Variants in SPATA16 observed in about 807,000 individuals in gnomAD.
The protein encoded by SPATA16 is spermatogenesis associated 16, also known as spermatogenesis-associated protein 16.
In SPATA16, 36 loss-of-function variants were observed where a neutral mutation model predicts 63.3. The ratio of observed to expected loss-of-function variants is 0.57; its 90% confidence interval spans 0.44 to 0.75. SPATA16 has a LOEUF of 0.75. SPATA16 is among the 30% of genes least tolerant of loss of function. The probability of loss-of-function intolerance (pLI) is 0.00; values close to 1 mark genes in which losing one functional copy is unlikely to be tolerated. For missense variants in SPATA16, 646 were observed against 679.3 expected (o/e 0.95, Z 0.54); for synonymous variants, 203 against 216.7 (o/e 0.94, Z 0.56).
intron 4 of SPATA16, among the ~76,000 whole-genome samples, chr3:172,992,255 G>T (rs898444497): frequency 6.6e-6 from 1 of 152,104 alleles, no homozygotes; most frequent in African/African-American, 2.4e-5. Context: ...AATGTGCCCA[G>T]AGGCATTAAG....
chr3:172,942,198 C>T (rs754034657), intron 6 of SPATA16, among the ~76,000 whole-genome samples: 3 of 152,100 alleles, frequency 2.0e-5, no homozygotes, highest in Non-Finnish European at 4.4e-5. Context: ...GGGACTTATA[C>T]TCTGGCAGAA....
chr3:173,029,083 C>A (rs548425124), intron 3 of SPATA16, among the ~76,000 whole-genome samples: 2 of 152,050 alleles, frequency 1.3e-5, no homozygotes, highest in South Asian at 4.1e-4. Flanking sequence ...TAAGGGGGGA[C>A]TTACTAACCA....
intron 2 of SPATA16, among the ~76,000 whole-genome samples, chr3:173,091,268 A>G (rs1172489479): frequency 6.6e-6 from 1 of 152,166 alleles, no homozygotes; most frequent in East Asian, 1.9e-4. Flanking sequence ...AGAAGAGAGA[A>G]TAGACCTATT....
chr3:173,014,209 A>G (rs571980683), intron 4 of SPATA16, among the ~76,000 whole-genome samples: 3 of 152,362 alleles, frequency 2.0e-5, no homozygotes, highest in South Asian at 4.1e-4. Context: ...TGGACTGGAT[A>G]AAGAAAATGT....
chr3:173,103,042 A>T (rs1737533067), intron 2 of SPATA16, among the ~76,000 whole-genome samples: 2 of 152,234 alleles, frequency 1.3e-5, no homozygotes, highest in African/African-American at 4.8e-5. Flanking sequence ...CTAAATCTTA[A>T]AGCTCTAAAA....
chr3:172,951,500 A>ATTTT (rs1264648267), intron 6 of SPATA16, among the ~76,000 whole-genome samples: 4,535 of 151,974 alleles, frequency 0.03, 225 homozygotes, highest in African/African-American at 0.1. Context: ...ATAATTTAAA[A>ATTTT]AAAAAAAAAT....
At chr3:173,072,973 T>A (rs1430117737) in intron 2 of SPATA16, among the ~76,000 whole-genome samples, 1 of 152,164 alleles carries the variant, frequency 6.6e-6, no homozygotes, top group African/African-American at 2.4e-5. Flanking sequence ...TGGTCTCAGA[T>A]GGAGATGAGG....
At chr3:173,025,324 A>G (rs1735428192) in intron 3 of SPATA16, among the ~76,000 whole-genome samples, 1 of 151,912 alleles carries the variant, frequency 6.6e-6, no homozygotes, top group Non-Finnish European at 1.5e-5. Flanking sequence ...TCTTTTGAAA[A>G]GTAAATTTTA....
rs575051013 is a variant in SPATA16, at chr3:172,919,181, A to G, written c.1339-2700T>C. Among the ~76,000 whole-genome samples, 382 of 152,250 alleles carry G rather than the reference A, an allele frequency of 2.5e-3. 1 individual carries two copies. Among genetic ancestry groups the G allele is most frequent in the African/African-American group, 8.0e-3 (332 of 41,550 alleles). On this transcript the variant is annotated intron_variant, in intron 8 of 10. Transcript: ENST00000351008. Reference sequence around the variant, plus strand: ...CATGGCAAGAGATTTGATTATTTTAACTCTTTAACATTTAGCCCAGAAAGC... The same window carrying G: ...CATGGCAAGAGATTTGATTATTTTAGCTCTTTAACATTTAGCCCAGAAAGC...
At chr3:172,969,604 TA>T (rs2108245696) in intron 5 of SPATA16, among the ~76,000 whole-genome samples, 1 of 152,282 alleles carries the variant, frequency 6.6e-6, no homozygotes, top group South Asian at 2.1e-4. Flanking sequence ...GACTGGTGTT[TA>T]AGAGCCACTA....
intron 5 of SPATA16, among the ~76,000 whole-genome samples, chr3:172,973,975 T>G (rs561342055): frequency 1.3e-5 from 2 of 152,156 alleles, no homozygotes; most frequent in Non-Finnish European, 2.9e-5. Context: ...TATTATAGAA[T>G]AACATGTGCA....
intron 3 of SPATA16, among the ~76,000 whole-genome samples, chr3:173,046,927 T>G (rs1191045227): frequency 1.3e-5 from 2 of 151,986 alleles, no homozygotes; most frequent in Non-Finnish European, 2.9e-5. Context: ...TGATTTACAT[T>G]TCTTACTTAA....
At chr3:172,946,584 C>T (rs988928009) in intron 6 of SPATA16, among the ~76,000 whole-genome samples, 12 of 151,934 alleles carry the variant, frequency 7.9e-5, no homozygotes, top group Admixed American at 5.9e-4. Flanking sequence ...GTAGCAGTGG[C>T]CCCAGGGGGA....
intron 5 of SPATA16, among the ~76,000 whole-genome samples, chr3:172,960,954 C>T (rs1215767496): frequency 2.8e-5 from 4 of 142,394 alleles, no homozygotes; most frequent in Non-Finnish European, 6.1e-5. Context: ...TTCCCCCCTC[C>T]CTCTCTCTCT....
chr3:173,004,511 T>C (rs1734896927), intron 4 of SPATA16, among the ~76,000 whole-genome samples: 1 of 150,438 alleles, frequency 6.6e-6, no homozygotes. Flanking sequence ...TCAGCCAGAG[T>C]CTTGACCCTT....
At chr3:173,063,471 C>A (rs1736438660) in intron 2 of SPATA16, among the ~76,000 whole-genome samples, 1 of 152,108 alleles carries the variant, frequency 6.6e-6, no homozygotes, top group Non-Finnish European at 1.5e-5. Flanking sequence ...GGGTCCTGGT[C>A]TGGGTCCGGT....
intron 2 of SPATA16, among the ~76,000 whole-genome samples, chr3:173,085,426 G>A (rs1424514195): frequency 6.6e-6 from 1 of 151,992 alleles, no homozygotes; most frequent in Non-Finnish European, 1.5e-5. Context: ...AGATGATGGG[G>A]TTTTCTAATT....
intron 2 of SPATA16, among the ~76,000 whole-genome samples, chr3:173,065,083 A>G (rs1736482613): frequency 2.0e-5 from 3 of 152,244 alleles, no homozygotes; most frequent in African/African-American, 7.2e-5. Context: ...CAGGATGTTA[A>G]GGAGTTATTA....
At chr3:172,912,172 C>A (rs1732383533) in intron 10 of SPATA16, among the ~76,000 whole-genome samples, 1 of 152,096 alleles carries the variant, frequency 6.6e-6, no homozygotes, top group Non-Finnish European at 1.5e-5. Flanking sequence ...CCTGGAAAAC[C>A]ACTACACATT....
Sources: allele counts gnomAD v4.1 joint callset (sites outside exome capture counted in the v4.1 genomes callset), GRCh38; gene constraint gnomAD v4.1.1; transcripts MANE v1.5; gene names NCBI Gene and HGNC (gene_info 2026-07-23, HGNC 2026-07-21).